The following GIGYF2 variants were observed in gnomAD, a reference collection of about 807,000 sequenced individuals.
GIGYF2 encodes GRB10 interacting GYF protein 2.
GIGYF2 carries 25 observed loss-of-function variants against 208.1 expected under a neutral mutation model. The ratio of observed to expected loss-of-function variants is 0.12; its 90% CI spans 0.09 to 0.17. GIGYF2 has a LOEUF of 0.17. Ranked by LOEUF, GIGYF2 falls within the 10% of genes least tolerant of loss-of-function variation. GIGYF2 has a pLI of 1.00. For missense variants in GIGYF2, 1,302 were observed against 1,579.4 expected, an observed-to-expected ratio of 0.82 and a Z score of 2.98; for synonymous variants, 534 against 543.8, an observed-to-expected ratio of 0.98 and a Z score of 0.25.
At chr2:232,782,382 G>A (rs1482364342) in intron 8 of GIGYF2, among the ~76,000 whole-genome samples, 1 of 152,094 alleles carries the variant, frequency 6.6e-6, no homozygotes, top group Non-Finnish European at 1.5e-5. Context: ...ATTTCTTTGG[G>A]AAAATATTTA....
At chr2:232,823,365 TTC>T (rs3062053) in intron 21 of GIGYF2, among the ~76,000 whole-genome samples, 74,633 of 133,408 alleles carry the variant, frequency 0.56, 19,980 homozygotes, top group East Asian at 0.6. Flanking sequence ...CTTTCTTTCT[TTC>T]TTTTTTTTTT....
chr2:232,816,342 C>A (rs1381165471), intron 19 of GIGYF2, among the ~76,000 whole-genome samples: 1 of 152,188 alleles, frequency 6.6e-6, no homozygotes, highest in African/African-American at 2.4e-5. Flanking sequence ...TTAATGCATT[C>A]TTATCCCCTG....
chr2:232,771,524 A>G (rs1699246035), intron 8 of GIGYF2: 2 of 552,636 alleles, frequency 3.6e-6, no homozygotes, highest in African/African-American at 3.7e-5. Context: ...TTCACGTTAG[A>G]TGGCATTTAC....
rs1232923162 is a variant in GIGYF2 at position 232,704,867 on chromosome 2, T to TTA, written c.-44+1379_-44+1380insAT. ...ATTTTAACTTCTGGATTTTTTTTTT[T>TTA]TTTTTTTTTTGAGACAGAGTCTCGC... is the stretch of plus-strand genomic sequence containing the variant. On this transcript the variant is annotated intron_variant, in intron 2 of 28. Coordinates refer to ENST00000373563, the MANE Select transcript of GIGYF2 (RefSeq NM_001103146.3). Among the ~76,000 whole-genome samples the TTA allele has an allele frequency of 2.8e-3, 401 of 142,436 alleles. 3 individuals are homozygous for TTA. The highest frequency in any genetic ancestry group is 9.8e-3 in the African/African-American group (375 of 38,376). 93.4% of individuals were successfully genotyped at this position (142,436 alleles called of 152,430 possible).
chr2:232,811,204 G>T, intron 16 of GIGYF2, 40 bp from the exon 17 acceptor site: 1 of 1,072,512 alleles, frequency 9.3e-7, no homozygotes, highest in African/African-American at 1.5e-5. Flanking sequence ...TGAACTAAGT[G>T]TGGATTGACA....
intron 2 of GIGYF2, among the ~76,000 whole-genome samples, chr2:232,728,752 C>T (rs1170692304): frequency 2.0e-5 from 3 of 152,008 alleles, no homozygotes; most frequent in South Asian, 4.1e-4. Context: ...TTTGCCATTC[C>T]GTAATTTAGA....
chr2:232,746,854 A>G (rs1229537415), intron 3 of GIGYF2, among the ~76,000 whole-genome samples: 2 of 152,206 alleles, frequency 1.3e-5, no homozygotes, highest in Admixed American at 6.5e-5. Flanking sequence ...ATTCATTGGC[A>G]AGCTACAAAA....
intron 12 of GIGYF2, among the ~76,000 whole-genome samples, chr2:232,793,840 G>C (rs1271683590): frequency 1.3e-5 from 2 of 152,140 alleles, no homozygotes; most frequent in Non-Finnish European, 2.9e-5. Context: ...GCTTAGAATT[G>C]AGTTGATAAT....
rs926032616 is a variant in GIGYF2, at chr2:232,756,114, T to C, written c.268-109T>C. On this transcript the variant is annotated intron_variant, in intron 5 of 28. Coordinates refer to ENST00000373563, the MANE Select transcript of GIGYF2 (RefSeq NM_001103146.3). ...CTAGTAGTAATTAGATGCCTTTTTATAGATGCAGTAGGAATGTGGGGAGAA... is the reference window on the plus strand; with the variant it reads ...CTAGTAGTAATTAGATGCCTTTTTACAGATGCAGTAGGAATGTGGGGAGAA... 27 of 666,124 alleles carry C rather than the reference T, an allele frequency of 4.1e-5. No individual in the cohort carries two copies. In the Admixed American group the frequency reaches 7.5e-4, roughly 19 times the overall value. 41.3% of individuals were successfully genotyped at this position (666,124 alleles called of 1,614,324 possible).
chr2:232,721,687 A>C (rs1574794323), intron 2 of GIGYF2, among the ~76,000 whole-genome samples: 2 of 152,090 alleles, frequency 1.3e-5, no homozygotes, highest in Non-Finnish European at 2.9e-5. Flanking sequence ...TCTTTGTGCA[A>C]AACTCTCTTT....
chr2:232,776,696 T>G, intron 8 of GIGYF2: 1 of 521,276 alleles, frequency 1.9e-6, no homozygotes, highest in East Asian at 3.1e-5. Flanking sequence ...TGCTGGTTTG[T>G]TAGGAGGTCT....
chr2:232,851,275 A>G (rs1467984896), intron 28 of GIGYF2, among the ~76,000 whole-genome samples: 1 of 152,166 alleles, frequency 6.6e-6, no homozygotes, highest in African/African-American at 2.4e-5. Flanking sequence ...TGATCATGCC[A>G]CTGCACTCTA....
intron 1 of GIGYF2, among the ~76,000 whole-genome samples, chr2:232,700,254 T>C (rs1365466117): frequency 1.3e-5 from 2 of 152,200 alleles, no homozygotes; most frequent in Non-Finnish European, 2.9e-5. Flanking sequence ...TTTCTTCCTC[T>C]TGTTTTTCTA....
chr2:232,822,973 A>G (rs1032421514), intron 21 of GIGYF2, among the ~76,000 whole-genome samples: 1 of 152,118 alleles, frequency 6.6e-6, no homozygotes, highest in African/African-American at 2.4e-5. Flanking sequence ...CATTAAATAT[A>G]TTGATAGTTT....
chr2:232,698,007 C>T (rs1161139552), intron 1 of GIGYF2, among the ~76,000 whole-genome samples: 1 of 152,172 alleles, frequency 6.6e-6, no homozygotes, highest in South Asian at 2.1e-4. Context: ...AACCTTGGGA[C>T]CGAGGCTGGG....
At chr2:232,788,527 T>C (rs1407586875) in intron 9 of GIGYF2, 2 of 469,618 alleles carry the variant, frequency 4.3e-6, no homozygotes, top group Non-Finnish European at 8.9e-6. Context: ...AAGCATTCAG[T>C]GAAGAATGGA....
At chr2:232,757,774 CCG>C (rs376253566) in intron 6 of GIGYF2, among the ~76,000 whole-genome samples, 1,451 of 135,934 alleles carry the variant, frequency 0.011, 108 homozygotes, top group Non-Finnish European at 0.015. Context: ...ACAGCACCCC[CCG>C]CCCCCCGCCA....
intron 2 of GIGYF2, among the ~76,000 whole-genome samples, chr2:232,733,088 C>G (rs1697574956): frequency 6.6e-6 from 1 of 152,002 alleles, no homozygotes; most frequent in South Asian, 2.1e-4. Context: ...AACCTTGTCT[C>G]TACTAAAAAT....
chr2:232,850,318 A>G lies in GIGYF2; in HGVS notation c.3741A>G (p.Gln1247=). ...TCCATTCAGTATTTCAGACCAATCA[A>G]AGCAACAACCAACAATCCAATTTTG... ...STLHSVFQTN[Q]SNNQQSNFEA... The change falls in exon 28 of 29, where the codon CAA becomes CAG. Residue 1247 remains glutamine, a synonymous_variant. Transcript: ENST00000373563. 1.2e-6 allele frequency: 2 copies of G among 1,613,750 alleles called. No individual in the cohort carries two copies. The highest frequency in any genetic ancestry group is 8.5e-7 in the Non-Finnish European group (1 of 1,179,650).
Sources: gnomAD v4.1 joint callset for allele counts (sites outside exome capture counted in the v4.1 genomes callset) on GRCh38, gnomAD v4.1.1 for gene constraint, MANE v1.5 for transcripts, NCBI Gene and HGNC (gene_info 2026-07-23, HGNC 2026-07-21) for gene names.